The following PDE8A variants were observed in gnomAD, a reference collection of about 807,000 sequenced individuals.
PDE8A encodes high affinity cAMP-specific and IBMX-insensitive 3',5'-cyclic phosphodiesterase 8A.
Under a neutral mutation model 105.0 loss-of-function variants are expected in PDE8A, and 59 were observed. The ratio of observed to expected loss-of-function variants is 0.56; its 90% confidence interval spans 0.46 to 0.70. PDE8A has a LOEUF of 0.70. Among genes scored for constraint, PDE8A ranks in the 30% least tolerant of loss-of-function variants. PDE8A has a pLI of 0.00. For missense variants in PDE8A, 1,014 were observed against 1,045.9 expected, an observed-to-expected ratio of 0.97 and a Z score of 0.42; for synonymous variants, 355 against 371.9, an observed-to-expected ratio of 0.95 and a Z score of 0.52.
intron 1 of PDE8A, among the ~76,000 whole-genome samples, chr15:85,002,740 C>A (rs979092308): frequency 2.6e-5 from 4 of 152,126 alleles, no homozygotes; most frequent in Non-Finnish European, 4.4e-5. Context: ...TAACCAGCAC[C>A]CCATCTTGTG....
chr15:84,987,074 A>G (rs1005090159), intron 1 of PDE8A, among the ~76,000 whole-genome samples: 1 of 152,198 alleles, frequency 6.6e-6, no homozygotes, highest in Non-Finnish European at 1.5e-5. Flanking sequence ...AATGAGACCA[A>G]ACTTTCTGCT....
At chr15:85,095,877 T>TTTTATATATATATATATATA (rs2081740789) in intron 8 of PDE8A, among the ~76,000 whole-genome samples, 1 of 148,720 alleles carries the variant, frequency 6.7e-6, no homozygotes, top group South Asian at 2.1e-4. Flanking sequence ...TATATATATT[T>TTTTATATATATATATATATA]TTTTTATATA....
chr15:85,117,522 C>A, intron 16 of PDE8A, 119 bp from the exon 17 acceptor site: 1 of 814,874 alleles, frequency 1.2e-6, no homozygotes, highest in South Asian at 1.5e-5. Context: ...ACAGCCCAAG[C>A]AATCTCCACT....
At chr15:85,080,869 C>T (rs535428327) in intron 5 of PDE8A, among the ~76,000 whole-genome samples, 15 of 152,264 alleles carry the variant, frequency 9.9e-5, no homozygotes, top group Non-Finnish European at 8.8e-5. Flanking sequence ...TGTGAGGACA[C>T]GTCCATGCAA....
intron 1 of PDE8A, among the ~76,000 whole-genome samples, chr15:85,057,483 T>G (rs1308612408): frequency 6.6e-6 from 1 of 152,172 alleles, no homozygotes; most frequent in Non-Finnish European, 1.5e-5. Context: ...CCCCTTGTGC[T>G]TCCCGGGTGA....
intron 1 of PDE8A, among the ~76,000 whole-genome samples, chr15:85,025,436 G>T (rs1403131221): frequency 1.3e-5 from 2 of 152,088 alleles, no homozygotes; most frequent in Non-Finnish European, 2.9e-5. Context: ...GGGTGGGTAG[G>T]GGGTGTGGGG....
At chr15:85,100,965 C>A (rs1400941282) in intron 11 of PDE8A, among the ~76,000 whole-genome samples, 1 of 152,246 alleles carries the variant, frequency 6.6e-6, no homozygotes. Context: ...ACAGTTCATT[C>A]TTTCATTCTA....
chr15:85,107,604 G>A (rs2081965741), intron 11 of PDE8A, among the ~76,000 whole-genome samples: 1 of 152,054 alleles, frequency 6.6e-6, no homozygotes, highest in African/African-American at 2.4e-5. Flanking sequence ...GAGGGGAGGG[G>A]GAGAAGTGAT....
chr15:85,082,517 G>C (rs866627325), intron 5 of PDE8A, among the ~76,000 whole-genome samples: 1 of 152,114 alleles, frequency 6.6e-6, no homozygotes, highest in Non-Finnish European at 1.5e-5. Flanking sequence ...CGAACCAAGG[G>C]CTAGATTTTT....
At chr15:85,048,898 C>T (rs1466931566) in intron 1 of PDE8A, among the ~76,000 whole-genome samples, 7 of 152,120 alleles carry the variant, frequency 4.6e-5, no homozygotes, top group African/African-American at 1.4e-4. Flanking sequence ...GTCAGGAGTT[C>T]GAGACCACCC....
At chr15:85,119,653 T>A (rs1424757337) in intron 17 of PDE8A, among the ~76,000 whole-genome samples, 1 of 152,006 alleles carries the variant, frequency 6.6e-6, no homozygotes, top group Non-Finnish European at 1.5e-5. Context: ...ACATAATGTG[T>A]TGAACTTCTA....
intron 1 of PDE8A, among the ~76,000 whole-genome samples, chr15:84,990,191 A>C (rs544246495): frequency 6.6e-6 from 1 of 152,348 alleles, no homozygotes; most frequent in Non-Finnish European, 1.5e-5. Flanking sequence ...TCTCAAAAAA[A>C]AATTAATTCA....
At chr15:85,021,533 A>G (rs289407) in intron 1 of PDE8A, among the ~76,000 whole-genome samples, 122,148 of 151,914 alleles carry the variant, frequency 0.8, 49,708 homozygotes, top group African/African-American at 0.93. Flanking sequence ...ACTCCAGCCT[A>G]GGCAACTGAG....
At chr15:85,077,694 C>G (rs1000669894) in intron 5 of PDE8A, among the ~76,000 whole-genome samples, 1 of 152,092 alleles carries the variant, frequency 6.6e-6, no homozygotes, top group Non-Finnish European at 1.5e-5. Flanking sequence ...CCCTCACACC[C>G]CTCAGAGATT....
chr15:84,999,216 G>A (rs1323504879), intron 1 of PDE8A, among the ~76,000 whole-genome samples: 1 of 151,166 alleles, frequency 6.6e-6, no homozygotes, highest in African/African-American at 2.4e-5. Flanking sequence ...TGCCTCCTGG[G>A]TTCAGGCGAT....
chr15:85,057,130 C>G (rs192152382), intron 1 of PDE8A, among the ~76,000 whole-genome samples: 98 of 152,148 alleles, frequency 6.4e-4, no homozygotes, highest in African/African-American at 2.3e-3. Flanking sequence ...ACCACAAATA[C>G]TGCAGAACGG....
intron 1 of PDE8A, among the ~76,000 whole-genome samples, chr15:85,042,537 T>TG (rs2080826820): frequency 6.6e-6 from 1 of 152,212 alleles, no homozygotes; most frequent in South Asian, 2.1e-4. Flanking sequence ...AGAAGGAGGC[T>TG]GGGGTTAACA....
At chr15:84,985,717 G>A (rs569750973) in intron 1 of PDE8A, among the ~76,000 whole-genome samples, 18 of 152,262 alleles carry the variant, frequency 1.2e-4, no homozygotes, top group African/African-American at 1.4e-4. Context: ...TTCCGTAAAC[G>A]TATGTTGAAT....
chr15:85,100,373 G>A, intron 11 of PDE8A, 175 bp downstream of exon 11: 1 of 609,660 alleles, frequency 1.6e-6, no homozygotes, highest in Non-Finnish European at 2.9e-6. Flanking sequence ...GAGGACTTGA[G>A]CGCTTGTGAG....
Sources: allele counts gnomAD v4.1 joint callset (sites outside exome capture counted in the v4.1 genomes callset), GRCh38; gene constraint gnomAD v4.1.1; transcripts MANE v1.5; gene names NCBI Gene and HGNC (gene_info 2026-07-23, HGNC 2026-07-21).